The following CLPB variants were observed in gnomAD, a reference collection of about 807,000 sequenced individuals.
CLPB encodes the protein mitochondrial disaggregase.
CLPB carries 40 observed loss-of-function variants against 78.4 expected under a neutral mutation model. The observed-to-expected ratio is 0.51, with a 90% CI of 0.40 to 0.66. The LOEUF is 0.66. Ranked by LOEUF, CLPB falls within the 30% of genes least tolerant of loss-of-function variation. The probability of loss-of-function intolerance (pLI) is 0.00; values close to 1 mark genes in which losing one functional copy is unlikely to be tolerated. For missense variants in CLPB, 780 were observed against 886.9 expected (o/e 0.88, Z 1.53); for synonymous variants, 333 against 348.0 (o/e 0.96, Z 0.48).
At chr11:72,366,262 T>C (rs1027767814) in intron 4 of CLPB, among the ~76,000 whole-genome samples, 1 of 152,240 alleles carries the variant, frequency 6.6e-6, no homozygotes, top group Non-Finnish European at 1.5e-5. Flanking sequence ...TCACCCAGGC[T>C]GGAGTACAAT....
intron 3 of CLPB, among the ~76,000 whole-genome samples, chr11:72,384,926 T>C (rs1352402572): frequency 2.6e-5 from 4 of 152,142 alleles, no homozygotes; most frequent in Admixed American, 1.3e-4. Context: ...AAGGGAAAGA[T>C]AGACTATACT....
rs530890608 is a variant in CLPB, at chr11:72,291,692, C to T, written c.*1675G>A. 1.0e-3 allele frequency: 154 copies of T among 152,172 alleles called. No individual in the cohort carries two copies. The highest frequency in any genetic ancestry group is 3.5e-3 in the African/African-American group (145 of 41,508). The allele number at this position is 152,172 out of a possible 1,614,324, so 9.4% of individuals were successfully genotyped here. ...TAGATGAAAGATACATGGGAATTTT[C>T]TACTATTTCTGCAACTTTCTCTAAG... On this transcript the variant is annotated 3_prime_UTR_variant, in exon 16 of 16. Coordinates refer to ENST00000538039, the MANE Select transcript of CLPB (RefSeq NM_001258392.3).
intron 2 of CLPB, among the ~76,000 whole-genome samples, chr11:72,405,970 C>T (rs770223801): frequency 3.3e-5 from 5 of 151,936 alleles, no homozygotes; most frequent in Non-Finnish European, 7.4e-5. Context: ...TTCCAATCAG[C>T]CACCATCAAT....
chr11:72,318,304 T>C (rs371070780), intron 6 of CLPB, among the ~76,000 whole-genome samples: 17 of 150,762 alleles, frequency 1.1e-4, no homozygotes, highest in African/African-American at 2.9e-4. Flanking sequence ...GGAACATCTG[T>C]TGGGGGGCTT....
intron 6 of CLPB, among the ~76,000 whole-genome samples, chr11:72,320,135 ATAGAG>A (rs1192477233): frequency 0.022 from 3,347 of 152,252 alleles, 116 homozygotes; most frequent in African/African-American, 0.077. Flanking sequence ...TCCTTACGTG[ATAGAG>A]AATTCCACCT....
rs115144180 is a variant in CLPB at position 72,371,237 on chromosome 11, A to T, written c.646+9044T>A. ...ACCCACTACACCTGGCTAATTAAAA[A>T]ATATATATATTGGGCAGGGCGTGGT... On this transcript the variant is annotated intron_variant, in intron 4 of 15. Transcript: ENST00000538039. 6.6e-3 allele frequency among the ~76,000 whole-genome samples: 1,010 copies of T among 152,026 alleles called. 12 individuals carry two copies. Among genetic ancestry groups the T allele is most frequent in the African/African-American group, 0.023 (967 of 41,462 alleles).
At chr11:72,398,170 T>A (rs1426998369) in intron 3 of CLPB, among the ~76,000 whole-genome samples, 3 of 152,152 alleles carry the variant, frequency 2.0e-5, no homozygotes, top group Admixed American at 2.0e-4. Context: ...AGGCTCCCAA[T>A]CCATCCCTCA....
chr11:72,371,650 C>A (rs909840222), intron 4 of CLPB, among the ~76,000 whole-genome samples: 1 of 152,148 alleles, frequency 6.6e-6, no homozygotes, highest in African/African-American at 2.4e-5. Flanking sequence ...CACCTGGGCT[C>A]AAGCAGTCCT....
At chr11:72,386,777 G>C (rs2135032408) in intron 3 of CLPB, among the ~76,000 whole-genome samples, 1 of 152,272 alleles carries the variant, frequency 6.6e-6, no homozygotes, top group East Asian at 1.9e-4. Context: ...AGATTTCAAA[G>C]AGAAATGAGA....
chr11:72,367,088 T>C (rs755553352), intron 4 of CLPB, among the ~76,000 whole-genome samples: 3 of 152,160 alleles, frequency 2.0e-5, no homozygotes, highest in Non-Finnish European at 2.9e-5. Flanking sequence ...TGCAACAACA[T>C]GGATGCAGCT....
intron 4 of CLPB, among the ~76,000 whole-genome samples, chr11:72,373,460 C>T (rs894952430): frequency 2.6e-5 from 4 of 152,184 alleles, no homozygotes; most frequent in African/African-American, 9.7e-5. Flanking sequence ...CTGGAGTGGG[C>T]ATGGGTAGGG....
chr11:72,344,491 G>A lies in CLPB; in HGVS notation c.775+14389C>T, dbSNP rs144594288. Among the ~76,000 whole-genome samples the A allele has an allele frequency of 5.6e-3, 850 of 152,098 alleles. 8 individuals are homozygous for A. The highest frequency in any genetic ancestry group is 0.02 in the African/African-American group (815 of 41,494). ...CCTCCCAAAGTGGTGGGATTGCAGG[G>A]GTAAGAGCCACCATGCCTGGCCTTC... On this transcript the variant is annotated intron_variant, in intron 5 of 15. Transcript: ENST00000538039.
intron 2 of CLPB, among the ~76,000 whole-genome samples, chr11:72,409,480 TG>T (rs1232851394): frequency 4.0e-5 from 6 of 150,940 alleles, no homozygotes; most frequent in Admixed American, 6.6e-5. Flanking sequence ...GCTACTCGGG[TG>T]GCTGACGTAT....
intron 9 of CLPB, among the ~76,000 whole-genome samples, chr11:72,306,953 G>T (rs1565427326): frequency 6.6e-6 from 1 of 152,090 alleles, no homozygotes; most frequent in South Asian, 2.1e-4. Flanking sequence ...CAAGAGTCAG[G>T]CAGGGCAAGG....
intron 5 of CLPB, among the ~76,000 whole-genome samples, chr11:72,347,447 ACT>A (rs1399136938): frequency 6.6e-6 from 1 of 152,130 alleles, no homozygotes; most frequent in Non-Finnish European, 1.5e-5. Context: ...GTAGAACAAG[ACT>A]CTATCTCAAA....
chr11:72,409,851 C>A (rs1855824072), intron 2 of CLPB, among the ~76,000 whole-genome samples: 3 of 152,130 alleles, frequency 2.0e-5, no homozygotes, highest in Non-Finnish European at 2.9e-5. Context: ...GTGGCGCACG[C>A]CTGTAATCCC....
intron 5 of CLPB, among the ~76,000 whole-genome samples, chr11:72,345,207 C>T (rs1950490650): frequency 6.6e-6 from 1 of 152,116 alleles, no homozygotes; most frequent in Non-Finnish European, 1.5e-5. Flanking sequence ...ATACCTCCAA[C>T]AAGACCAAAA....
intron 5 of CLPB, chr11:72,333,078 G>C (rs761329385): frequency 3.3e-5 from 5 of 152,116 alleles, no homozygotes; most frequent in Non-Finnish European, 7.4e-5. Context: ...CAAGCTACAG[G>C]CTCAGAAAAG....
At chr11:72,293,840 C>T (rs1222841359) in intron 15 of CLPB, among the ~76,000 whole-genome samples, 182 bp downstream of exon 15, 1 of 152,200 alleles carries the variant, frequency 6.6e-6, no homozygotes, top group Non-Finnish European at 1.5e-5. Flanking sequence ...TACTGGGCTA[C>T]CCTCCAGCAG....
Sources: allele counts gnomAD v4.1 joint callset (sites outside exome capture counted in the v4.1 genomes callset), GRCh38; gene constraint gnomAD v4.1.1; transcripts MANE v1.5; gene names NCBI Gene and HGNC (gene_info 2026-07-23, HGNC 2026-07-21).